Variants in TBC1D14 observed in about 807,000 individuals in gnomAD.
The protein encoded by TBC1D14 is TBC1 domain family, member 14.
A neutral mutation model predicts 79.0 loss-of-function variants in TBC1D14; 26 were observed. The observed-to-expected ratio is 0.33, with a 90% CI of 0.24 to 0.46. The LOEUF is 0.46. Among genes scored for constraint, TBC1D14 ranks in the 20% least tolerant of loss-of-function variants. The pLI is 1.00. For synonymous variants in TBC1D14, 394 were observed against 349.9 expected (o/e 1.13, Z -1.40); for missense variants, 769 against 887.6 (o/e 0.87, Z 1.70).
At chr4:6,910,779 C>T (rs1560233495) in intron 1 of TBC1D14, among the ~76,000 whole-genome samples, 1 of 152,148 alleles carries the variant, frequency 6.6e-6, no homozygotes, top group Non-Finnish European at 1.5e-5. Flanking sequence ...TCGTTTCTGT[C>T]CTAAAGTTGC....
At chr4:6,947,554 C>T (rs1250074534) in intron 2 of TBC1D14, among the ~76,000 whole-genome samples, 3 of 150,174 alleles carry the variant, frequency 2.0e-5, no homozygotes, top group Non-Finnish European at 4.4e-5. Context: ...CCCACCTACT[C>T]AGGAGGCTGA....
chr4:6,911,224 C>T (rs1722961037), intron 1 of TBC1D14, among the ~76,000 whole-genome samples: 1 of 152,130 alleles, frequency 6.6e-6, no homozygotes, highest in African/African-American at 2.4e-5. Flanking sequence ...TTGTGGGCTC[C>T]GCAATCCTAA....
chr4:6,948,921 G>A (rs1272322904), intron 2 of TBC1D14, among the ~76,000 whole-genome samples: 1 of 151,852 alleles, frequency 6.6e-6, no homozygotes, highest in East Asian at 1.9e-4. Flanking sequence ...CTCCTGGCCG[G>A]GCGTGGTGGC....
chr4:6,969,093 G>C (rs1450012058), intron 3 of TBC1D14, among the ~76,000 whole-genome samples: 1 of 152,174 alleles, frequency 6.6e-6, no homozygotes, highest in African/African-American at 2.4e-5. Context: ...GCCATTCTCT[G>C]CTGTAATCAT....
chr4:6,912,654 G>T (rs1723099557), intron 1 of TBC1D14, among the ~76,000 whole-genome samples: 1 of 152,190 alleles, frequency 6.6e-6, no homozygotes, highest in Non-Finnish European at 1.5e-5. Flanking sequence ...GCAACTGGTT[G>T]CTAAAATAGT....
At chr4:6,937,925 C>T (rs752603344) in intron 2 of TBC1D14, among the ~76,000 whole-genome samples, 45 of 152,018 alleles carry the variant, frequency 3.0e-4, no homozygotes, top group Non-Finnish European at 5.6e-4. Context: ...GTTTCCACCA[C>T]GTCTGACGTA....
chr4:6,961,941 CTGAA>C (rs1203303959), intron 2 of TBC1D14, among the ~76,000 whole-genome samples: 4 of 152,330 alleles, frequency 2.6e-5, no homozygotes, highest in African/African-American at 9.6e-5. Flanking sequence ...TGTTCAGTGT[CTGAA>C]TGAATGCGGC....
intron 9 of TBC1D14, among the ~76,000 whole-genome samples, chr4:7,009,477 G>A (rs1331333103): frequency 6.6e-6 from 1 of 152,204 alleles, no homozygotes; most frequent in Non-Finnish European, 1.5e-5. Context: ...AGAAAGGATA[G>A]TCAGGATGTG....
intron 12 of TBC1D14, among the ~76,000 whole-genome samples, chr4:7,024,407 T>C (rs1722133197): frequency 6.6e-6 from 1 of 152,160 alleles, no homozygotes; most frequent in Non-Finnish European, 1.5e-5. Flanking sequence ...CTGTCAGTGT[T>C]GGGCAGGTTT....
At chr4:6,959,040 C>T (rs1239248087) in intron 2 of TBC1D14, among the ~76,000 whole-genome samples, 9 of 152,146 alleles carry the variant, frequency 5.9e-5, no homozygotes, top group African/African-American at 2.2e-4. Flanking sequence ...CCTGCCACTA[C>T]GCCCGGCTAA....
At chr4:6,978,817 G>T (rs971898865) in intron 3 of TBC1D14, among the ~76,000 whole-genome samples, 1 of 151,760 alleles carries the variant, frequency 6.6e-6, no homozygotes, top group Non-Finnish European at 1.5e-5. Context: ...ATGAAATGAC[G>T]TGTGCATGGG....
intron 2 of TBC1D14, among the ~76,000 whole-genome samples, chr4:6,924,704 T>C (rs879433309): frequency 6.6e-6 from 1 of 152,202 alleles, no homozygotes; most frequent in Non-Finnish European, 1.5e-5. Context: ...CCTTGTCACC[T>C]GAGTGCTGGA....
intron 13 of TBC1D14, 80 bp downstream of exon 13, chr4:7,025,342 C>T: frequency 1.3e-6 from 2 of 1,576,194 alleles, no homozygotes; most frequent in Non-Finnish European, 1.7e-6. Flanking sequence ...ACGTAAAGTG[C>T]TGTCTGAGGA....
chr4:6,957,504 G>A (rs760255380), intron 2 of TBC1D14, among the ~76,000 whole-genome samples: 1 of 152,188 alleles, frequency 6.6e-6, no homozygotes, highest in Non-Finnish European at 1.5e-5. Flanking sequence ...TGAAGCCGGG[G>A]GCACACTTCC....
At chr4:6,917,254 T>A (rs927054664) in intron 1 of TBC1D14, among the ~76,000 whole-genome samples, 2 of 152,188 alleles carry the variant, frequency 1.3e-5, no homozygotes, top group African/African-American at 4.8e-5. Context: ...AGCGAGTAGA[T>A]TTTTGAAACC....
chr4:7,010,643 C>G lies in TBC1D14; in HGVS notation c.1519-10C>G. Reference sequence around the variant, plus strand: ...CTGTGATTTTAACGTGCCTTTCTCTCCTCTCTCAGGTCCAGGGCATGTCCT... The same window carrying G: ...CTGTGATTTTAACGTGCCTTTCTCTGCTCTCTCAGGTCCAGGGCATGTCCT... On this transcript the variant is annotated splice_polypyrimidine_tract_variant and intron_variant, in intron 10 of 13. Coordinates refer to ENST00000409757, the MANE Select transcript of TBC1D14 (RefSeq NM_020773.3). 1 of 1,609,206 alleles carries G rather than the reference C, an allele frequency of 6.2e-7. No homozygotes were observed. The highest frequency in any genetic ancestry group is 8.5e-7 in the Non-Finnish European group (1 of 1,178,296).
chr4:6,927,299 G>A (rs1724366672), intron 2 of TBC1D14, among the ~76,000 whole-genome samples: 1 of 152,074 alleles, frequency 6.6e-6, no homozygotes, highest in African/African-American at 2.4e-5. Flanking sequence ...TGTGGGTGGG[G>A]AGGGGGTGGC....
At chr4:6,979,990 A>G (rs1248472488) in intron 3 of TBC1D14, among the ~76,000 whole-genome samples, 4 of 152,244 alleles carry the variant, frequency 2.6e-5, no homozygotes, top group African/African-American at 9.6e-5. Flanking sequence ...CTAAACAGTA[A>G]GTGATAGAAC....
intron 2 of TBC1D14, among the ~76,000 whole-genome samples, chr4:6,958,136 C>T (rs1026081564): frequency 1.3e-5 from 2 of 152,186 alleles, no homozygotes; most frequent in Non-Finnish European, 2.9e-5. Context: ...TCCCACTCAG[C>T]AGCTGAACAC....
Sources: allele counts gnomAD v4.1 joint callset (sites outside exome capture counted in the v4.1 genomes callset), GRCh38; gene constraint gnomAD v4.1.1; transcripts MANE v1.5; gene names NCBI Gene and HGNC (gene_info 2026-07-23, HGNC 2026-07-21).